Variants in LRFN5 observed in about 807,000 individuals in gnomAD.
The protein encoded by LRFN5 is leucine rich repeat and fibronectin type III domain containing 5.
In LRFN5, 24 loss-of-function variants were observed where a neutral mutation model predicts 45.6. The ratio of observed to expected loss-of-function variants is 0.53; its 90% CI spans 0.38 to 0.74. The LOEUF (loss-of-function observed/expected upper bound fraction) is 0.74. Ranked by LOEUF, LRFN5 falls within the 30% of genes least tolerant of loss-of-function variation. The pLI is 0.00. For missense variants in LRFN5, 776 were observed against 861.5 expected (o/e 0.90, Z 1.24); for synonymous variants, 340 against 313.8 (o/e 1.08, Z -0.88).
At chr14:41,751,234 T>G (rs1042000222) in intron 1 of LRFN5, among the ~76,000 whole-genome samples, 2 of 152,130 alleles carry the variant, frequency 1.3e-5, no homozygotes, top group Non-Finnish European at 2.9e-5. Flanking sequence ...CATTTCAGCA[T>G]GTAATCACTC....
At chr14:41,630,866 T>C (rs1888509460) in intron 1 of LRFN5, among the ~76,000 whole-genome samples, 1 of 152,162 alleles carries the variant, frequency 6.6e-6, no homozygotes. Context: ...TAAAGGTATT[T>C]CCTTTTAATT....
chr14:41,867,047 C>T (rs1193894431), intron 2 of LRFN5, among the ~76,000 whole-genome samples: 1 of 152,066 alleles, frequency 6.6e-6, no homozygotes, highest in Non-Finnish European at 1.5e-5. Flanking sequence ...CAAAACTACA[C>T]TGAAAAGGTT....
intron 1 of LRFN5, among the ~76,000 whole-genome samples, chr14:41,729,254 G>T (rs1241890772): frequency 6.6e-6 from 1 of 152,046 alleles, no homozygotes; most frequent in Non-Finnish European, 1.5e-5. Context: ...TGCCCAGTTT[G>T]TTCACACAAA....
At chr14:41,707,596 T>G (rs1883118361) in intron 1 of LRFN5, among the ~76,000 whole-genome samples, 2 of 152,272 alleles carry the variant, frequency 1.3e-5, no homozygotes, top group South Asian at 4.1e-4. Flanking sequence ...CTTTTATATA[T>G]ACTAAAATAT....
intron 1 of LRFN5, among the ~76,000 whole-genome samples, chr14:41,739,244 G>T (rs1314677356): frequency 6.6e-6 from 1 of 152,094 alleles, no homozygotes; most frequent in Non-Finnish European, 1.5e-5. Context: ...AATAAGCCAG[G>T]CATGGTGGCA....
chr14:41,744,839 AAG>A (rs1884854950), intron 1 of LRFN5, among the ~76,000 whole-genome samples: 1 of 152,198 alleles, frequency 6.6e-6, no homozygotes, highest in South Asian at 2.1e-4. Flanking sequence ...GTAATAGAGA[AAG>A]AAGACAAAGC....
intron 3 of LRFN5, among the ~76,000 whole-genome samples, chr14:41,890,856 C>T (rs1890756356): frequency 6.6e-6 from 1 of 151,968 alleles, no homozygotes; most frequent in South Asian, 2.1e-4. Flanking sequence ...AACATTTTTC[C>T]TTCCTTCAAA....
chr14:41,775,337 C>T (rs1566432726), intron 2 of LRFN5, among the ~76,000 whole-genome samples: 1 of 151,990 alleles, frequency 6.6e-6, no homozygotes, highest in Non-Finnish European at 1.5e-5. Context: ...GATCCGCCCA[C>T]CTCCGCCTTC....
At chr14:41,884,166 T>C (rs1046453998) in intron 2 of LRFN5, among the ~76,000 whole-genome samples, 32 of 152,220 alleles carry the variant, frequency 2.1e-4, no homozygotes, top group African/African-American at 6.0e-4. Flanking sequence ...TTGTTTCCCC[T>C]TCTTGTGCTG....
At chr14:41,613,888 T>G (rs578070034) in intron 1 of LRFN5, among the ~76,000 whole-genome samples, 1 of 152,160 alleles carries the variant, frequency 6.6e-6, no homozygotes, top group South Asian at 2.1e-4. Flanking sequence ...AAGGACAAAC[T>G]TCAATTTACT....
chr14:41,829,951 A>G (rs1888424613), intron 2 of LRFN5, among the ~76,000 whole-genome samples: 2 of 151,378 alleles, frequency 1.3e-5, no homozygotes, highest in Admixed American at 1.3e-4. Context: ...CTTTGGATTT[A>G]TCTCTAATTG....
At chr14:41,716,138 G>A (rs1883484601) in intron 1 of LRFN5, among the ~76,000 whole-genome samples, 1 of 152,070 alleles carries the variant, frequency 6.6e-6, no homozygotes, top group South Asian at 2.1e-4. Context: ...CACACAGCAC[G>A]GGGACCCTGG....
chr14:41,856,723 C>T (rs61200276), intron 2 of LRFN5, among the ~76,000 whole-genome samples: 13,820 of 101,202 alleles, frequency 0.14, 861 homozygotes, highest in East Asian at 0.21. Flanking sequence ...GTCGCCCAGG[C>T]AGGAGTGCTG....
intron 1 of LRFN5, among the ~76,000 whole-genome samples, chr14:41,654,487 G>A (rs546974901): frequency 3.8e-4 from 58 of 152,012 alleles, no homozygotes; most frequent in Middle Eastern, 6.8e-3. Context: ...CATAGTTTGA[G>A]TTCAGAAAGA....
At chr14:41,762,953 T>C (rs1024724072) in intron 1 of LRFN5, among the ~76,000 whole-genome samples, 2 of 152,186 alleles carry the variant, frequency 1.3e-5, no homozygotes, top group African/African-American at 4.8e-5. Flanking sequence ...TTAGGAATTC[T>C]AGGGAGAAAT....
chr14:41,750,778 C>A (rs1403706602), intron 1 of LRFN5, among the ~76,000 whole-genome samples: 2 of 152,088 alleles, frequency 1.3e-5, no homozygotes, highest in Non-Finnish European at 2.9e-5. Flanking sequence ...CAGGCACCTT[C>A]TTCACAAGGT....
At chr14:41,713,313 A>G (rs1484593570) in intron 1 of LRFN5, among the ~76,000 whole-genome samples, 1 of 152,082 alleles carries the variant, frequency 6.6e-6, no homozygotes, top group Admixed American at 6.6e-5. Context: ...CATATTAACA[A>G]TAAATAGTAA....
At chr14:41,661,476 A>G (rs911944595) in intron 1 of LRFN5, among the ~76,000 whole-genome samples, 2 of 152,096 alleles carry the variant, frequency 1.3e-5, no homozygotes, top group African/African-American at 4.8e-5. Context: ...GAAATAATGT[A>G]CAATATCCTG....
chr14:41,702,654 G>A (rs35964072), intron 1 of LRFN5, among the ~76,000 whole-genome samples: 1,796 of 151,728 alleles, frequency 0.012, 21 homozygotes, highest in Middle Eastern at 0.031. Flanking sequence ...TTTTTGAGAT[G>A]GGGTTTTGTT....
Sources: gnomAD v4.1 joint callset for allele counts (sites outside exome capture counted in the v4.1 genomes callset) on GRCh38, gnomAD v4.1.1 for gene constraint, MANE v1.5 for transcripts, NCBI Gene and HGNC (gene_info 2026-07-23, HGNC 2026-07-21) for gene names.